FAM222B: variants seen among roughly 807,000 people sequenced by gnomAD.
FAM222B encodes protein FAM222B.
FAM222B carries 12 observed loss-of-function variants against 38.0 expected under a neutral mutation model. The ratio of observed to expected loss-of-function variants is 0.32; its 90% CI spans 0.20 to 0.51. The LOEUF is 0.51. Among genes scored for constraint, FAM222B ranks in the 20% least tolerant of loss-of-function variants. The pLI is 0.97. For synonymous variants in FAM222B, 329 were observed against 317.2 expected (o/e 1.04, Z -0.40); for missense variants, 716 against 754.2 (o/e 0.95, Z 0.59).
chr17:28,788,056 T>G (rs1048193643), intron 1 of FAM222B, among the ~76,000 whole-genome samples: 20 of 152,082 alleles, frequency 1.3e-4, no homozygotes, highest in African/African-American at 4.3e-4. Context: ...ACTCCCAACC[T>G]CAGGTGATCC....
At position 28,839,338 on chromosome 17, in the gene FAM222B, G is replaced by A. The variant is rs1598057919; in HGVS notation, c.-41+3344C>T. Among the ~76,000 whole-genome samples, 4 of 152,192 alleles carry A rather than the reference G, an allele frequency of 2.6e-5. No individual in the cohort carries two copies. In the South Asian group the frequency reaches 8.3e-4, roughly 32 times the overall value. On this transcript the variant is annotated intron_variant, in intron 1 of 2. Transcript: ENST00000581407. ...TTTAGAAAAACTTCTCACACGAAAG[G>A]CAATCAAGATACTAGCCCACCCCTT...
chr17:28,820,495 G>A (rs1373195449), intron 1 of FAM222B, among the ~76,000 whole-genome samples: 2 of 152,122 alleles, frequency 1.3e-5, no homozygotes, highest in Non-Finnish European at 2.9e-5. Flanking sequence ...TTTTGTGTGT[G>A]AGTGTTTCTA....
upstream of FAM222B, among the ~76,000 whole-genome samples, chr17:28,843,156 GA>G (rs1223010581): frequency 2.1e-5 from 3 of 140,424 alleles, no homozygotes; most frequent in Non-Finnish European, 3.1e-5. Flanking sequence ...TTTTTTTTCT[GA>G]GTCGAAGTTT....
intron 1 of FAM222B, among the ~76,000 whole-genome samples, chr17:28,785,577 C>T (rs185709389): frequency 1.3e-5 from 2 of 152,260 alleles, no homozygotes; most frequent in East Asian, 3.9e-4. Flanking sequence ...CTCTTGTTGC[C>T]CAGGCTGGAG....
At chr17:28,764,247 G>A (rs1394310375) in intron 2 of FAM222B, among the ~76,000 whole-genome samples, 1 of 146,748 alleles carries the variant, frequency 6.8e-6, no homozygotes, top group Non-Finnish European at 1.5e-5. Flanking sequence ...ACTCCAGTCT[G>A]GGTGACAGAG....
chr17:28,847,995 C>G (rs2039157467), intron 1 of FAM222B, among the ~76,000 whole-genome samples: 1 of 152,048 alleles, frequency 6.6e-6, no homozygotes, highest in Non-Finnish European at 1.5e-5. Flanking sequence ...CAGATGGAGC[C>G]TGCGCATGTT....
chr17:28,758,239 A>G lies in FAM222B; in HGVS notation c.*31T>C. 1 of 1,501,050 alleles carries G rather than the reference A, an allele frequency of 6.7e-7. No individual in the cohort carries two copies. The highest frequency in any genetic ancestry group is 9.0e-7 in the Non-Finnish European group (1 of 1,112,218). 93.0% of individuals were successfully genotyped at this position (1,501,050 alleles called of 1,614,324 possible). On this transcript the variant is annotated 3_prime_UTR_variant, in exon 3 of 3. Coordinates refer to ENST00000581407, the MANE Select transcript of FAM222B (RefSeq NM_001077498.3). ...ACTAAACCTAGGAGGGTGATGTATG[A>G]TGTGTTGCACGTGGAGGGCAGCAGG...
At position 28,841,223 on chromosome 17, in the gene FAM222B, A is replaced by C. The variant is rs547844312; in HGVS notation, c.-41+1459T>G. Among the ~76,000 whole-genome samples, 5 of 152,110 alleles carry C rather than the reference A, an allele frequency of 3.3e-5. No individual in the cohort carries two copies. The East Asian group carries it at 9.7e-4, about 30-fold the overall frequency. On this transcript the variant is annotated intron_variant, in intron 1 of 2. Coordinates refer to ENST00000581407, the MANE Select transcript of FAM222B (RefSeq NM_001077498.3). ...GACAGGAGAATCGCTTGAACCCGGG[A>C]GGCGGAGGTTGCTGTGAGCCGAGAT...
At chr17:28,785,543 T>C (rs901148412) in intron 1 of FAM222B, among the ~76,000 whole-genome samples, 2 of 152,110 alleles carry the variant, frequency 1.3e-5, no homozygotes, top group Non-Finnish European at 2.9e-5. Context: ...ATGAGGATGA[T>C]ATTATTTTTG....
At chr17:28,818,611 C>A (rs1028827386) in intron 1 of FAM222B, among the ~76,000 whole-genome samples, 1 of 150,342 alleles carries the variant, frequency 6.7e-6, no homozygotes, top group South Asian at 2.2e-4. Context: ...GACTGATAAA[C>A]CAGAATTAAA....
At chr17:28,850,459 G>A (rs775587288) in intron 1 of FAM222B, among the ~76,000 whole-genome samples, 4 of 151,956 alleles carry the variant, frequency 2.6e-5, no homozygotes, top group African/African-American at 7.2e-5. Context: ...CTGACACCAC[G>A]CCCGGCTTTT....
intron 1 of FAM222B, among the ~76,000 whole-genome samples, chr17:28,808,067 C>G (rs1406154839): frequency 6.6e-6 from 1 of 152,206 alleles, no homozygotes; most frequent in Admixed American, 6.5e-5. Flanking sequence ...TCTCCCAGGG[C>G]TCAGTTGGAA....
At position 28,813,128 on chromosome 17, in the gene FAM222B, A is replaced by AC. The variant is rs747226060; in HGVS notation, c.-41+29553_-41+29554insG. ...GGGAATACATGAAATCATCAGACAC[A>AC]AAAAAAAAAAAAACACACACATACA... is the stretch of plus-strand genomic sequence containing the variant. On this transcript the variant is annotated intron_variant, in intron 1 of 2. Coordinates refer to ENST00000581407, the MANE Select transcript of FAM222B (RefSeq NM_001077498.3). Among the ~76,000 whole-genome samples the AC allele has an allele frequency of 9.3e-3, 875 of 93,928 alleles. 7 individuals are homozygous for AC. The highest frequency in any genetic ancestry group is 0.012 in the Non-Finnish European group (653 of 52,550). The allele number at this position is 93,928 out of a possible 152,430, so 61.6% of individuals were successfully genotyped here.
At chr17:28,839,129 C>A (rs770785757) in intron 1 of FAM222B, among the ~76,000 whole-genome samples, 2 of 152,056 alleles carry the variant, frequency 1.3e-5, no homozygotes, top group Non-Finnish European at 2.9e-5. Context: ...ATGGCGAGAA[C>A]CCGGGAGGCG....
intron 1 of FAM222B, among the ~76,000 whole-genome samples, chr17:28,772,692 C>T (rs563962288): frequency 5.4e-4 from 82 of 151,900 alleles, no homozygotes; most frequent in East Asian, 1.7e-3. Context: ...GTCAGGAGTT[C>T]GAGACCAGCC....
At chr17:28,786,548 C>T (rs576556078) in intron 1 of FAM222B, among the ~76,000 whole-genome samples, 1 of 152,324 alleles carries the variant, frequency 6.6e-6, no homozygotes, top group South Asian at 2.1e-4. Flanking sequence ...TAAACCCTGA[C>T]TTTAAGCCTA....
At chr17:28,843,609 G>A (rs1482299451), upstream of FAM222B, among the ~76,000 whole-genome samples, 2 of 149,440 alleles carry the variant, frequency 1.3e-5, no homozygotes, top group African/African-American at 4.9e-5. Context: ...CACCACGCCT[G>A]GCTAACTTTT....
chr17:28,850,502 G>A (rs865985477), intron 1 of FAM222B, among the ~76,000 whole-genome samples: 5 of 152,002 alleles, frequency 3.3e-5, no homozygotes, highest in Non-Finnish European at 7.4e-5. Flanking sequence ...GTTTCACCGT[G>A]TTAGCCAGGA....
intron 1 of FAM222B, among the ~76,000 whole-genome samples, chr17:28,770,110 C>T (rs552214670): frequency 6.6e-6 from 1 of 152,268 alleles, no homozygotes; most frequent in South Asian, 2.1e-4. Context: ...TCACTTTTTA[C>T]CACCATCATT....
Sources: gnomAD v4.1 joint callset for allele counts (sites outside exome capture counted in the v4.1 genomes callset) on GRCh38, gnomAD v4.1.1 for gene constraint, MANE v1.5 for transcripts, NCBI Gene and HGNC (gene_info 2026-07-23, HGNC 2026-07-21) for gene names.